Variants in C3orf33 observed in about 807,000 individuals in gnomAD.
The protein encoded by C3orf33 is AP-1 activity suppressor.
C3orf33 carries 23 observed loss-of-function variants against 28.7 expected under a neutral mutation model. The observed-to-expected ratio is 0.80, with a 90% CI of 0.58 to 1.13. The LOEUF (loss-of-function observed/expected upper bound fraction) is 1.13. C3orf33 is among the 50% of genes most tolerant of loss of function. C3orf33 has a pLI of 0.00. For synonymous variants in C3orf33, 119 were observed against 120.5 expected (o/e 0.99, Z 0.08); for missense variants, 327 against 353.4 (o/e 0.93, Z 0.60).
Position 155,793,223 on chromosome 3 carries a change from AC to A in C3orf33, c.174+9308del, listed in dbSNP as rs66511521. Among the ~76,000 whole-genome samples the A allele has an allele frequency of 4.4e-4, 66 of 150,624 alleles. 2 individuals carry two copies. Among genetic ancestry groups the A allele is most frequent in the African/African-American group, 8.3e-4 (34 of 41,180 alleles). On this transcript the variant is annotated intron_variant, in intron 2 of 4. Coordinates refer to ENST00000340171, the MANE Select transcript of C3orf33 (RefSeq NM_001308229.2). Reference sequence around the variant, plus strand: ...ATATATATGTGGCAAAAAAAAAAAAACCTGTAATTACTTTTGCACCAACCTA... The same window carrying A: ...ATATATATGTGGCAAAAAAAAAAAAACTGTAATTACTTTTGCACCAACCTA...
intron 3 of C3orf33, among the ~76,000 whole-genome samples, chr3:155,770,702 C>A (rs1005962590): frequency 3.3e-5 from 5 of 152,078 alleles, no homozygotes; most frequent in African/African-American, 4.8e-5. Flanking sequence ...CAGTTTCTTT[C>A]TTGTCACCCA....
chr3:155,773,036 A>G (rs555627766), intron 3 of C3orf33, among the ~76,000 whole-genome samples: 1 of 152,334 alleles, frequency 6.6e-6, no homozygotes, highest in South Asian at 2.1e-4. Context: ...CCTTCTTAGT[A>G]AGAGTGAGCT....
At chr3:155,803,434 G>C (rs543536406) in intron 1 of C3orf33, among the ~76,000 whole-genome samples, 1 of 151,142 alleles carries the variant, frequency 6.6e-6, no homozygotes, top group East Asian at 2.0e-4. Context: ...GCGTGGTGGT[G>C]GGCGCCTGTA....
Position 155,785,273 on chromosome 3 carries a change from C to T in C3orf33, c.175-9425G>A, listed in dbSNP as rs73873417. The stretch of plus-strand genomic sequence containing the variant: ...TAATTTTGCAATAACAGAGACAACA[C>T]CCCACTCTCATAATGAATAGAATAG... On this transcript the variant is annotated intron_variant, in intron 2 of 4. Transcript: ENST00000340171. 6.1e-3 allele frequency among the ~76,000 whole-genome samples: 924 copies of T among 152,022 alleles called. 10 individuals carry two copies. Among genetic ancestry groups the T allele is most frequent in the African/African-American group, 0.021 (885 of 41,480 alleles).
chr3:155,787,733 T>G (rs959181980), intron 2 of C3orf33, among the ~76,000 whole-genome samples: 1 of 151,476 alleles, frequency 6.6e-6, no homozygotes, highest in Non-Finnish European at 1.5e-5. Context: ...AAGCTGGCCT[T>G]GAACTCCTGG....
rs138556684 is a variant in C3orf33 at position 155,783,144 on chromosome 3, C to T, written c.175-7296G>A. Among the ~76,000 whole-genome samples, 610 of 151,408 alleles carry T rather than the reference C, an allele frequency of 4.0e-3. 4 individuals are homozygous for T. The highest frequency in any genetic ancestry group is 0.014 in the African/African-American group (565 of 41,082). On this transcript the variant is annotated intron_variant, in intron 2 of 4. Transcript: ENST00000340171. ...CCAAGCATCTTGGATAAGGGATACTCAACCCATTCTACATTTTTTTTTTTT... is the reference window on the plus strand; with the variant it reads ...CCAAGCATCTTGGATAAGGGATACTTAACCCATTCTACATTTTTTTTTTTT...
At chr3:155,780,882 G>C (rs1750898113) in intron 2 of C3orf33, among the ~76,000 whole-genome samples, 1 of 152,106 alleles carries the variant, frequency 6.6e-6, no homozygotes, top group Non-Finnish European at 1.5e-5. Flanking sequence ...ATGGTATTTG[G>C]AGCTACAAAA....
intron 1 of C3orf33, chr3:155,805,790 C>A: frequency 2.0e-6 from 1 of 491,174 alleles, no homozygotes; most frequent in Non-Finnish European, 3.9e-6. Context: ...CAGGACTTCC[C>A]TGCTCTTCCT....
At chr3:155,804,486 G>T (rs1751757586) in intron 1 of C3orf33, among the ~76,000 whole-genome samples, 1 of 152,196 alleles carries the variant, frequency 6.6e-6, no homozygotes, top group South Asian at 2.1e-4. Flanking sequence ...GTGAAAACAG[G>T]CATGGCTTTG....
At chr3:155,766,213 G>A (rs1750398144) in intron 4 of C3orf33, among the ~76,000 whole-genome samples, 1 of 152,122 alleles carries the variant, frequency 6.6e-6, no homozygotes, top group South Asian at 2.1e-4. Context: ...TTTAAAAGCT[G>A]AATATCATAG....
In C3orf33 at chr3:155,763,757, T is replaced by C. The variant is rs1424407717; in HGVS notation, c.645A>G (p.Ile215Met). The C allele has an allele frequency of 6.2e-7, 1 of 1,606,168 alleles. No homozygotes were observed. Among genetic ancestry groups the C allele is most frequent in the African/African-American group, 1.3e-5 (1 of 74,520 alleles). The change falls in exon 5 of 5, where the codon ATA (isoleucine) becomes ATG (methionine). Residue 215 changes from isoleucine to methionine, a missense_variant. Coordinates refer to ENST00000340171, the MANE Select transcript of C3orf33 (RefSeq NM_001308229.2). Reference sequence around the variant, plus strand: ...TTTCTTTTTCAGAGTCTTCCTTCCATATTCCTTCTCCTTTTTTTAAGGCTG... The same window carrying C: ...TTTCTTTTTCAGAGTCTTCCTTCCACATTCCTTCTCCTTTTTTTAAGGCTG... Reference protein sequence around the residue: ...ELTALKKGEGIWKEDSEKESY... With the variant: ...ELTALKKGEGMWKEDSEKESY...
intron 2 of C3orf33, among the ~76,000 whole-genome samples, chr3:155,787,053 A>G (rs183363957): frequency 6.6e-6 from 1 of 152,222 alleles, no homozygotes; most frequent in Non-Finnish European, 1.5e-5. Flanking sequence ...ATTAAAGAGA[A>G]GAGAATACTT....
At chr3:155,777,339 T>C (rs985863650) in intron 2 of C3orf33, among the ~76,000 whole-genome samples, 39 of 151,810 alleles carry the variant, frequency 2.6e-4, no homozygotes, top group African/African-American at 8.2e-4. Context: ...AAAAAAATCA[T>C]AGTGACAATC....
intron 3 of C3orf33, among the ~76,000 whole-genome samples, chr3:155,771,241 G>C (rs902376181): frequency 6.6e-6 from 1 of 151,950 alleles, no homozygotes; most frequent in Non-Finnish European, 1.5e-5. Context: ...AAGTAACCAG[G>C]GCAACAGGCA....
chr3:155,768,738 T>C (rs1326032555), intron 3 of C3orf33, among the ~76,000 whole-genome samples: 3 of 152,214 alleles, frequency 2.0e-5, no homozygotes, highest in Non-Finnish European at 2.9e-5. Context: ...TAGAACACTG[T>C]TATATTATTT....
intron 2 of C3orf33, among the ~76,000 whole-genome samples, chr3:155,792,862 G>A (rs1236087972): frequency 6.6e-6 from 1 of 152,106 alleles, no homozygotes; most frequent in Non-Finnish European, 1.5e-5. Flanking sequence ...GCTAATCTAA[G>A]AGTTATTGGC....
chr3:155,778,194 G>T (rs1403897090), intron 2 of C3orf33, among the ~76,000 whole-genome samples: 6 of 147,662 alleles, frequency 4.1e-5, no homozygotes, highest in Non-Finnish European at 9.0e-5. Flanking sequence ...GATTAAAGGA[G>T]TCTAATGAGA....
At chr3:155,784,279 A>C (rs1232033044) in intron 2 of C3orf33, among the ~76,000 whole-genome samples, 1 of 152,150 alleles carries the variant, frequency 6.6e-6, no homozygotes, top group East Asian at 1.9e-4. Flanking sequence ...CGATTCTGTG[A>C]TATCAAGAAC....
At chr3:155,771,701 A>G (rs1036975768) in intron 3 of C3orf33, among the ~76,000 whole-genome samples, 1 of 152,182 alleles carries the variant, frequency 6.6e-6, no homozygotes, top group African/African-American at 2.4e-5. Flanking sequence ...CTGGTCTTTG[A>G]TTTCTAATCT....
Sources: gnomAD v4.1 joint callset for allele counts (sites outside exome capture counted in the v4.1 genomes callset) on GRCh38, gnomAD v4.1.1 for gene constraint, MANE v1.5 for transcripts, NCBI Gene and HGNC (gene_info 2026-07-23, HGNC 2026-07-21) for gene names.